The following TMEM132C variants were observed in gnomAD, a reference collection of about 807,000 sequenced individuals.
TMEM132C encodes protein phosphatase 1, regulatory subunit 152.
A neutral mutation model predicts 61.4 loss-of-function variants in TMEM132C; 29 were observed. The observed-to-expected ratio is 0.47, with a 90% CI of 0.35 to 0.64. The LOEUF (loss-of-function observed/expected upper bound fraction) is 0.64, where lower values mean the gene tolerates loss of function less well. Ranked by LOEUF, TMEM132C falls within the 30% of genes least tolerant of loss-of-function variation. TMEM132C has a pLI of 0.00. For synonymous variants in TMEM132C, 656 were observed against 633.1 expected (o/e 1.04, Z -0.54); for missense variants, 1,408 against 1,476.9 (o/e 0.95, Z 0.76).
At chr12:128,399,536 G>A (rs1233213038) in intron 1 of TMEM132C, among the ~76,000 whole-genome samples, 1 of 150,698 alleles carries the variant, frequency 6.6e-6, no homozygotes, top group East Asian at 1.9e-4. Context: ...TTTTCTTTTT[G>A]GTTTCCATTT....
chr12:128,614,739 G>A (rs994127141), intron 3 of TMEM132C, among the ~76,000 whole-genome samples: 11 of 152,200 alleles, frequency 7.2e-5, no homozygotes, highest in Non-Finnish European at 1.5e-4. Flanking sequence ...CAGACAAAGA[G>A]TCCCTTTAGC....
chr12:128,313,673 T>C (rs537825320), intron 1 of TMEM132C, among the ~76,000 whole-genome samples: 1 of 152,300 alleles, frequency 6.6e-6, no homozygotes, highest in Non-Finnish European at 1.5e-5. Flanking sequence ...CCTGGGATGG[T>C]GGACGGGGCC....
chr12:128,627,032 C>T (rs921224473), intron 4 of TMEM132C, among the ~76,000 whole-genome samples: 1 of 152,166 alleles, frequency 6.6e-6, no homozygotes, highest in Non-Finnish European at 1.5e-5. Flanking sequence ...CAGCTCTCCT[C>T]ACCCGGCATC....
intron 2 of TMEM132C, among the ~76,000 whole-genome samples, chr12:128,493,569 C>G (rs1871829386): frequency 6.6e-6 from 1 of 152,100 alleles, no homozygotes; most frequent in African/African-American, 2.4e-5. Context: ...CCTTCACATC[C>G]CTTATACGTT....
rs535627646 is a variant in TMEM132C, at chr12:128,539,392, G to A, written c.975-4565G>A. On this transcript the variant is annotated intron_variant, in intron 2 of 8. Transcript: ENST00000435159. Reference sequence around the variant, plus strand: ...AGCACTTTGAGAGGCCGAGGTGGGCGGATCACAAGGTCAAGAAATCGAGAC... The same window carrying A: ...AGCACTTTGAGAGGCCGAGGTGGGCAGATCACAAGGTCAAGAAATCGAGAC... Among the ~76,000 whole-genome samples, 226 of 152,248 alleles carry A rather than the reference G, an allele frequency of 1.5e-3. 2 individuals carry two copies. The highest frequency in any genetic ancestry group is 5.2e-3 in the African/African-American group (216 of 41,552).
At chr12:128,473,793 C>T (rs1488360996) in intron 2 of TMEM132C, among the ~76,000 whole-genome samples, 2 of 152,152 alleles carry the variant, frequency 1.3e-5, no homozygotes, top group East Asian at 1.9e-4. Flanking sequence ...CTTTGTGTCT[C>T]CAATAAGGAC....
intron 2 of TMEM132C, among the ~76,000 whole-genome samples, chr12:128,469,674 ATG>A (rs72336205): frequency 0.056 from 8,377 of 148,572 alleles, 760 homozygotes; most frequent in African/African-American, 0.19. Context: ...ATATATATAT[ATG>A]TGCATTTATG....
intron 4 of TMEM132C, among the ~76,000 whole-genome samples, chr12:128,623,201 C>T (rs1465058760): frequency 6.6e-6 from 1 of 152,136 alleles, no homozygotes; most frequent in Non-Finnish European, 1.5e-5. Flanking sequence ...GGAATCATTG[C>T]TGTCTTTAGT....
At chr12:128,435,748 TC>T (rs1471043119) in intron 2 of TMEM132C, among the ~76,000 whole-genome samples, 1 of 152,114 alleles carries the variant, frequency 6.6e-6, no homozygotes, top group Admixed American at 6.5e-5. Context: ...TTCAGTGCCA[TC>T]CCCATCAAGC....
chr12:128,616,835 A>G (rs1876817062), intron 4 of TMEM132C, among the ~76,000 whole-genome samples: 2 of 152,196 alleles, frequency 1.3e-5, no homozygotes, highest in Admixed American at 1.3e-4. Flanking sequence ...GGGCTTGAGT[A>G]GTGCAGCACC....
At chr12:128,402,128 G>T (rs553338205) in intron 1 of TMEM132C, among the ~76,000 whole-genome samples, 1 of 152,134 alleles carries the variant, frequency 6.6e-6, no homozygotes, top group Non-Finnish European at 1.5e-5. Flanking sequence ...ACTCCAAGCC[G>T]AGGACTGCAG....
chr12:128,284,170 G>A (rs766184344), intron 1 of TMEM132C, among the ~76,000 whole-genome samples: 9 of 152,100 alleles, frequency 5.9e-5, no homozygotes, highest in Non-Finnish European at 1.3e-4. Flanking sequence ...GGAAAATAAC[G>A]TGAGCCAATT....
chr12:128,315,568 G>T (rs1042912957), intron 1 of TMEM132C, among the ~76,000 whole-genome samples: 1 of 152,064 alleles, frequency 6.6e-6, no homozygotes, highest in African/African-American at 2.4e-5. Context: ...TGACTCTCTT[G>T]CAGGAAGGGT....
intron 1 of TMEM132C, among the ~76,000 whole-genome samples, chr12:128,339,606 C>T (rs1593016581): frequency 6.6e-6 from 1 of 150,966 alleles, no homozygotes; most frequent in Non-Finnish European, 1.5e-5. Flanking sequence ...TCCACAGCTG[C>T]GTTGAGGGGG....
intron 2 of TMEM132C, among the ~76,000 whole-genome samples, chr12:128,421,481 T>C (rs536098052): frequency 6.6e-6 from 1 of 152,354 alleles, no homozygotes; most frequent in East Asian, 1.9e-4. Flanking sequence ...CTTTCTCCAA[T>C]GGGTCTTCGC....
intron 3 of TMEM132C, among the ~76,000 whole-genome samples, chr12:128,576,260 AAGGGG>A (rs572512108): frequency 9.6e-4 from 140 of 145,078 alleles, no homozygotes; most frequent in African/African-American, 2.8e-3. Context: ...AAAAGATTAG[AAGGGG>A]AGGGGAGGGG....
intron 5 of TMEM132C, among the ~76,000 whole-genome samples, chr12:128,679,854 A>G (rs1005077670): frequency 1.3e-5 from 2 of 152,180 alleles, no homozygotes; most frequent in Non-Finnish European, 2.9e-5. Flanking sequence ...CAAGAGGGTA[A>G]TGGGACGAGG....
intron 2 of TMEM132C, among the ~76,000 whole-genome samples, chr12:128,460,491 G>A (rs569712617): frequency 2.6e-5 from 4 of 152,260 alleles, no homozygotes; most frequent in Non-Finnish European, 4.4e-5. Context: ...ACCAATTCCT[G>A]TGAATGACTT....
intron 1 of TMEM132C, among the ~76,000 whole-genome samples, chr12:128,329,509 C>T (rs1310079552): frequency 8.5e-5 from 13 of 152,120 alleles, no homozygotes; most frequent in African/African-American, 2.7e-4. Context: ...TAGGGAAGAA[C>T]AAAGTTGTGT....
Sources: allele counts gnomAD v4.1 joint callset (sites outside exome capture counted in the v4.1 genomes callset), GRCh38; gene constraint gnomAD v4.1.1; transcripts MANE v1.5; gene names NCBI Gene and HGNC (gene_info 2026-07-23, HGNC 2026-07-21).